The following KIAA1549 variants were observed in gnomAD, a reference collection of about 807,000 sequenced individuals.
The protein encoded by KIAA1549 is UPF0606 protein KIAA1549.
A neutral mutation model predicts 156.4 loss-of-function variants in KIAA1549; 70 were observed. The ratio of observed to expected loss-of-function variants is 0.45; its 90% CI spans 0.37 to 0.55. The LOEUF is 0.55. Among genes scored for constraint, KIAA1549 ranks in the 20% least tolerant of loss-of-function variants. The pLI is 0.00. For synonymous variants in KIAA1549, 1,103 were observed against 1,066.4 expected, an observed-to-expected ratio of 1.03 and a Z score of -0.67; for missense variants, 2,428 against 2,540.9, an observed-to-expected ratio of 0.96 and a Z score of 0.96.
At chr7:138,933,874 G>C (rs562201301) in intron 1 of KIAA1549, among the ~76,000 whole-genome samples, 1 of 152,228 alleles carries the variant, frequency 6.6e-6, no homozygotes, top group East Asian at 1.9e-4. Context: ...GCTGAGGCAG[G>C]AGAATCACTT....
intron 2 of KIAA1549, among the ~76,000 whole-genome samples, chr7:138,913,869 G>C (rs970236699): frequency 1.3e-4 from 19 of 151,778 alleles, no homozygotes; most frequent in African/African-American, 4.6e-4. Context: ...AGAGTGGCAA[G>C]AAGGAAAGAT....
At chr7:138,925,371 T>C (rs1291068104) in intron 1 of KIAA1549, among the ~76,000 whole-genome samples, 1 of 152,102 alleles carries the variant, frequency 6.6e-6, no homozygotes, top group East Asian at 1.9e-4. Flanking sequence ...CAATCCCTCA[T>C]GGTGCAAATA....
intron 8 of KIAA1549, among the ~76,000 whole-genome samples, chr7:138,900,184 T>C (rs916224188): frequency 6.6e-6 from 1 of 152,320 alleles, no homozygotes; most frequent in South Asian, 2.1e-4. Context: ...CACGGGAAAC[T>C]TCTGGCAGAT....
At chr7:138,852,657 A>G (rs1405128156) in intron 16 of KIAA1549, among the ~76,000 whole-genome samples, 1 of 152,248 alleles carries the variant, frequency 6.6e-6, no homozygotes, top group Non-Finnish European at 1.5e-5. Context: ...GCCCACAATT[A>G]GCACAAGTGA....
intron 1 of KIAA1549, among the ~76,000 whole-genome samples, chr7:138,980,064 A>G (rs1814499565): frequency 6.6e-6 from 1 of 152,156 alleles, no homozygotes; most frequent in African/African-American, 2.4e-5. Context: ...CCTCCCAGCC[A>G]CTGAGTAGCC....
chr7:138,912,498 T>G (rs760676599), intron 2 of KIAA1549, 38 bp from the exon 3 acceptor site: 6 of 1,518,048 alleles, frequency 4.0e-6, no homozygotes, highest in Non-Finnish European at 4.6e-6. Context: ...CCTTTTCATG[T>G]CATTATGAAT....
intron 15 of KIAA1549, 104 bp from the exon 16 acceptor site, chr7:138,861,560 A>T: frequency 1.0e-6 from 1 of 981,932 alleles, no homozygotes; most frequent in Non-Finnish European, 1.6e-6. Context: ...GAATTAAAAA[A>T]TGACAGTTGA....
rs1563039507 is a variant in KIAA1549, at chr7:138,832,211, T to TTTTTTTTTTTTTTTTTTTTTC, written c.*5694_*5695insGAAAAAAAAAAAAAAAAAAAA. 1 of 182,232 alleles carries TTTTTTTTTTTTTTTTTTTTTC rather than the reference T, an allele frequency of 5.5e-6. No individual in the cohort carries two copies. Among genetic ancestry groups the TTTTTTTTTTTTTTTTTTTTTC allele is most frequent in the African/African-American group, 2.7e-5 (1 of 36,854 alleles). The allele number at this position is 182,232 out of a possible 1,614,324, so 11.3% of individuals were successfully genotyped here. ...TATTCCTTTTTTTTTTTTTTTTTTT[T>TTTTTTTTTTTTTTTTTTTTTC]CCAGAGACAGGACCTCACCCTGCAG... On this transcript the variant is annotated 3_prime_UTR_variant, in exon 20 of 20. Coordinates refer to ENST00000422774, the MANE Select transcript of KIAA1549 (RefSeq NM_001164665.2).
chr7:138,869,974 C>A (rs1412047347), intron 13 of KIAA1549, among the ~76,000 whole-genome samples: 2 of 152,072 alleles, frequency 1.3e-5, no homozygotes, highest in African/African-American at 4.8e-5. Flanking sequence ...CTCAGCCTGC[C>A]GAGTAGCTGG....
rs1421529305 is a variant in KIAA1549, at chr7:138,959,935, CAA to C, written c.187+21146_187+21147del. Among the ~76,000 whole-genome samples the C allele has an allele frequency of 2.6e-5, 4 of 152,246 alleles. No individual in the cohort carries two copies. The East Asian group carries it at 7.7e-4, about 29-fold the overall frequency. On this transcript the variant is annotated intron_variant, in intron 1 of 19. Transcript: ENST00000422774. ...CAGGTCAGTTCCCAGGACTGGAGAGCAAAAGAGAGACTACTGGTCCCTTAACA... is the reference window on the plus strand; with the variant it reads ...CAGGTCAGTTCCCAGGACTGGAGAGCAAGAGAGACTACTGGTCCCTTAACA...
At chr7:138,884,880 G>T (rs192270368) in intron 10 of KIAA1549, among the ~76,000 whole-genome samples, 2 of 152,192 alleles carry the variant, frequency 1.3e-5, no homozygotes, top group Non-Finnish European at 2.9e-5. Context: ...TTCTTCTCCT[G>T]TAACTCCTGT....
At chr7:138,904,029 G>A (rs1218430912) in intron 7 of KIAA1549, among the ~76,000 whole-genome samples, 1 of 152,282 alleles carries the variant, frequency 6.6e-6, no homozygotes, top group Non-Finnish European at 1.5e-5. Flanking sequence ...GCGGCCAGAA[G>A]TCCCAGGAAC....
intron 1 of KIAA1549, among the ~76,000 whole-genome samples, chr7:138,940,618 TAC>T: frequency 6.6e-6 from 1 of 152,186 alleles, no homozygotes; most frequent in Middle Eastern, 3.4e-3. Context: ...TGAACTAGTT[TAC>T]AGTCACAACA....
chr7:138,964,319 AAC>A (rs1813948804), intron 1 of KIAA1549, among the ~76,000 whole-genome samples: 3 of 152,220 alleles, frequency 2.0e-5, no homozygotes. Context: ...CCAGACCCAG[AAC>A]AGAGGAGACC....
At chr7:138,959,414 T>C (rs535495439) in intron 1 of KIAA1549, among the ~76,000 whole-genome samples, 1 of 152,252 alleles carries the variant, frequency 6.6e-6, no homozygotes, top group South Asian at 2.1e-4. Context: ...GGGGCTCCCA[T>C]CATTAGGAAA....
intron 1 of KIAA1549, among the ~76,000 whole-genome samples, chr7:138,955,686 T>G (rs1042391368): frequency 5.9e-5 from 9 of 152,218 alleles, no homozygotes; most frequent in African/African-American, 1.9e-4. Context: ...ATACATATTT[T>G]GAAACACTAG....
At chr7:138,906,493 T>C (rs1812008774) in intron 6 of KIAA1549, among the ~76,000 whole-genome samples, 1 of 152,168 alleles carries the variant, frequency 6.6e-6, no homozygotes, top group African/African-American at 2.4e-5. Flanking sequence ...CTGCTGTGAA[T>C]CCAAAAACTT....
At position 138,832,331 on chromosome 7, in the gene KIAA1549, G is replaced by T. The variant is rs183026240; in HGVS notation, c.*5575C>A. 257 of 196,552 alleles carry T rather than the reference G, an allele frequency of 1.3e-3. 1 individual carries two copies. In the East Asian group the frequency reaches 0.018, roughly 14 times the overall value. 12.2% of individuals were successfully genotyped at this position (196,552 alleles called of 1,614,324 possible). A position where few individuals can be genotyped will look rare whatever the true frequency, so the allele number is the denominator to read the frequency against. ...CCAGTCTTAGCCTTTCGAGTAGCTG[G>T]GACTACTGGCACATGCCACCATGCT... is the stretch of plus-strand genomic sequence containing the variant. On this transcript the variant is annotated 3_prime_UTR_variant, in exon 20 of 20. Transcript: ENST00000422774.
At chr7:138,928,196 T>C (rs7807734) in intron 1 of KIAA1549, among the ~76,000 whole-genome samples, 43,631 of 151,916 alleles carry the variant, frequency 0.29, 7,920 homozygotes, top group African/African-American at 0.52. Context: ...GCTGGGATTA[T>C]AGGCGTGAGC....
Sources: gnomAD v4.1 joint callset for allele counts (sites outside exome capture counted in the v4.1 genomes callset) on GRCh38, gnomAD v4.1.1 for gene constraint, MANE v1.5 for transcripts, NCBI Gene and HGNC (gene_info 2026-07-23, HGNC 2026-07-21) for gene names.